The following SPRED2 variants were observed in gnomAD, a reference collection of about 807,000 sequenced individuals.
SPRED2 encodes the protein sprouty related EVH1 domain containing 2.
SPRED2 carries 47 observed loss-of-function variants against 43.0 expected under a neutral mutation model. The ratio of observed to expected loss-of-function variants is 1.09; its 90% confidence interval spans 0.87 to 1.40. The LOEUF (loss-of-function observed/expected upper bound fraction) is 1.40, where lower values mean the gene tolerates loss of function less well. SPRED2 is among the 40% of genes most tolerant of loss of function. SPRED2 has a pLI of 0.00. For synonymous variants in SPRED2, 225 were observed against 225.7 expected (o/e 1.00, Z 0.03); for missense variants, 561 against 586.4 (o/e 0.96, Z 0.45).
intron 1 of SPRED2, among the ~76,000 whole-genome samples, chr2:65,368,425 T>G (rs1001038926): frequency 1.3e-5 from 2 of 152,176 alleles, no homozygotes; most frequent in Non-Finnish European, 2.9e-5. Context: ...TTTCACACAC[T>G]TGAAAAGCAT....
At chr2:65,314,766 A>G (rs893519960) in intron 5 of SPRED2, among the ~76,000 whole-genome samples, 3 of 152,252 alleles carry the variant, frequency 2.0e-5, no homozygotes, top group Non-Finnish European at 2.9e-5. Flanking sequence ...TATGTGCACA[A>G]TATGTCCACA....
intron 4 of SPRED2, among the ~76,000 whole-genome samples, chr2:65,327,882 C>A (rs1227471984): frequency 6.6e-6 from 1 of 151,834 alleles, no homozygotes; most frequent in Non-Finnish European, 1.5e-5. Flanking sequence ...CGCCATCATG[C>A]CTGGCTAATT....
chr2:65,409,449 C>G (rs1306454796), intron 1 of SPRED2, among the ~76,000 whole-genome samples: 1 of 152,102 alleles, frequency 6.6e-6, no homozygotes, highest in Non-Finnish European at 1.5e-5. Flanking sequence ...TTTAACACCC[C>G]TATCAGAACA....
chr2:65,425,067 G>GTCC (rs1406750790), intron 1 of SPRED2, among the ~76,000 whole-genome samples: 1 of 152,176 alleles, frequency 6.6e-6, no homozygotes, highest in African/African-American at 2.4e-5. Context: ...AAGCAAAGCA[G>GTCC]TAAGAAAAAG....
intron 1 of SPRED2, among the ~76,000 whole-genome samples, chr2:65,386,263 C>T (rs1266657530): frequency 2.6e-5 from 3 of 116,804 alleles, no homozygotes; most frequent in East Asian, 3.0e-4. Context: ...CCAGCCTGGG[C>T]GACAAGAGTG....
At chr2:65,348,327 A>G (rs1674410761) in intron 1 of SPRED2, among the ~76,000 whole-genome samples, 1 of 152,178 alleles carries the variant, frequency 6.6e-6, no homozygotes, top group African/African-American at 2.4e-5. Context: ...TCTATATGCT[A>G]CTAAATCAAT....
chr2:65,321,833 C>T lies in SPRED2; in HGVS notation c.439-4950G>A, dbSNP rs182171093. Among the ~76,000 whole-genome samples the T allele has an allele frequency of 1.5e-3, 228 of 152,218 alleles. 1 individual carries two copies. The highest frequency in any genetic ancestry group is 5.2e-3 in the African/African-American group (218 of 41,536). On this transcript the variant is annotated intron_variant, in intron 4 of 5. Coordinates refer to ENST00000356388, the MANE Select transcript of SPRED2 (RefSeq NM_181784.3). The stretch of plus-strand genomic sequence containing the variant: ...TGTCACCCAGGCTGGAGTGCAGCGG[C>T]GGAATCTCAGCTCACTGCAACCTCC...
At chr2:65,401,124 C>T (rs1281031262) in intron 1 of SPRED2, among the ~76,000 whole-genome samples, 3 of 151,940 alleles carry the variant, frequency 2.0e-5, no homozygotes, top group Admixed American at 1.3e-4. Context: ...TACCACACCA[C>T]GCCTGGCAAT....
intron 4 of SPRED2, among the ~76,000 whole-genome samples, chr2:65,322,463 C>G (rs1357859810): frequency 6.6e-6 from 1 of 150,804 alleles, no homozygotes; most frequent in Non-Finnish European, 1.5e-5. Flanking sequence ...CCGGCTAATA[C>G]TTCGTATTTT....
At position 65,318,479 on chromosome 2, in the gene SPRED2, C is replaced by G. The variant is rs866008806; in HGVS notation, c.439-1596G>C. ...AACCAGGACCCCCAGAATCCCTACC[C>G]TTCCTTCTGCTTGCTTAGAGTGACA... is the stretch of plus-strand genomic sequence containing the variant. On this transcript the variant is annotated intron_variant, in intron 4 of 5. Transcript: ENST00000356388. Among the ~76,000 whole-genome samples, 240 of 151,542 alleles carry G rather than the reference C, an allele frequency of 1.6e-3. 1 individual carries two copies. Among genetic ancestry groups the G allele is most frequent in the African/African-American group, 5.2e-3 (213 of 41,298 alleles).
chr2:65,313,735 G>C lies in SPRED2; in HGVS notation c.1023C>G (p.Ser341Arg). The change falls in exon 6 of 6, where the codon AGC becomes AGG. Residue 341 changes from serine to arginine, a missense_variant. Coordinates refer to ENST00000356388, the MANE Select transcript of SPRED2 (RefSeq NM_181784.3). Reference sequence around the variant, plus strand: ...GCATGCTGTCCGCGCACCACATGCAGCTCACCCGGCGGATGCAAGTTCTCA... The same window carrying C: ...GCATGCTGTCCGCGCACCACATGCACCTCACCCGGCGGATGCAAGTTCTCA... ...DSVRTCIRRV[S>R]CMWCADSMLY... The C allele has an allele frequency of 6.2e-7, 1 of 1,614,208 alleles. No individual in the cohort carries two copies. The highest frequency in any genetic ancestry group is 8.5e-7 in the Non-Finnish European group (1 of 1,180,038).
intron 1 of SPRED2, among the ~76,000 whole-genome samples, chr2:65,348,054 C>T (rs1318730722): frequency 6.6e-6 from 1 of 152,128 alleles, no homozygotes; most frequent in Non-Finnish European, 1.5e-5. Flanking sequence ...AAGTCAAAAT[C>T]TGGACCTTAC....
rs1675046269 is a variant in SPRED2, at chr2:65,368,758, A to G, written c.27-23862T>C. Among the ~76,000 whole-genome samples, 7 of 152,190 alleles carry G rather than the reference A, an allele frequency of 4.6e-5. 1 individual carries two copies. The South Asian group carries it at 1.4e-3, about 32-fold the overall frequency. Reference sequence around the variant, plus strand: ...AAACATTCACAAACACACAGGAATGAATATATATAACCCCTATTCCTAAAA... The same window carrying G: ...AAACATTCACAAACACACAGGAATGGATATATATAACCCCTATTCCTAAAA... On this transcript the variant is annotated intron_variant, in intron 1 of 5. Coordinates refer to ENST00000356388, the MANE Select transcript of SPRED2 (RefSeq NM_181784.3).
At chr2:65,416,447 G>T (rs1025501093) in intron 1 of SPRED2, among the ~76,000 whole-genome samples, 1 of 151,392 alleles carries the variant, frequency 6.6e-6, no homozygotes, top group Non-Finnish European at 1.5e-5. Context: ...TCCTGAACAA[G>T]AGAGTGTGGA....
rs1668880478 is a variant in SPRED2 at position 65,432,106 on chromosome 2, G to C, written c.-119C>G. On this transcript the variant is annotated 5_prime_UTR_variant, in exon 1 of 6. Transcript: ENST00000356388. Reference sequence around the variant, plus strand: ...TCGCCTGATTTGGGGAGGGGGGGCGGCTAGAGATGAAGAGGGCGCCGCAGC... The same window carrying C: ...TCGCCTGATTTGGGGAGGGGGGGCGCCTAGAGATGAAGAGGGCGCCGCAGC... 2 of 1,346,518 alleles carry C rather than the reference G, an allele frequency of 1.5e-6. No individual in the cohort carries two copies. The highest frequency in any genetic ancestry group is 1.2e-5 in the South Asian group (1 of 82,242). The allele number at this position is 1,346,518 out of a possible 1,614,324, so 83.4% of individuals were successfully genotyped here. A position where few individuals can be genotyped will look rare whatever the true frequency, so the allele number is the denominator to read the frequency against.
At chr2:65,411,653 A>T (rs910216646) in intron 1 of SPRED2, among the ~76,000 whole-genome samples, 11 of 152,170 alleles carry the variant, frequency 7.2e-5, no homozygotes, top group Non-Finnish European at 1.5e-4. Context: ...CTTTCATACA[A>T]ATCAAGGAAA....
intron 1 of SPRED2, among the ~76,000 whole-genome samples, chr2:65,395,617 A>T (rs1675741070): frequency 6.6e-6 from 1 of 152,188 alleles, no homozygotes; most frequent in Non-Finnish European, 1.5e-5. Context: ...ACTTCTAAAA[A>T]GTCATTTAAG....
intron 4 of SPRED2, among the ~76,000 whole-genome samples, chr2:65,322,611 C>A (rs1673465909): frequency 6.6e-6 from 1 of 151,996 alleles, no homozygotes; most frequent in South Asian, 2.1e-4. Flanking sequence ...AATATTTATA[C>A]CATCTTCTTC....
At chr2:65,430,902 C>T (rs1676667235) in intron 1 of SPRED2, among the ~76,000 whole-genome samples, 1 of 152,136 alleles carries the variant, frequency 6.6e-6, no homozygotes, top group Non-Finnish European at 1.5e-5. Context: ...GGCACAGCCA[C>T]TGAGCAGCAG....
Sources: gnomAD v4.1 joint callset for allele counts (sites outside exome capture counted in the v4.1 genomes callset) on GRCh38, gnomAD v4.1.1 for gene constraint, MANE v1.5 for transcripts, NCBI Gene and HGNC (gene_info 2026-07-23, HGNC 2026-07-21) for gene names.